Variants in DSCAM observed in about 807,000 individuals in gnomAD.
DSCAM encodes cell adhesion molecule DSCAM.
Under a neutral mutation model 217.7 loss-of-function variants are expected in DSCAM, and 47 were observed. The ratio of observed to expected loss-of-function variants is 0.22; its 90% CI spans 0.17 to 0.28. DSCAM has a LOEUF of 0.28. Among genes scored for constraint, DSCAM ranks in the 10% least tolerant of loss-of-function variants. DSCAM has a pLI of 1.00. For synonymous variants in DSCAM, 1,056 were observed against 1,015.3 expected, an observed-to-expected ratio of 1.04 and a Z score of -0.76; for missense variants, 2,080 against 2,618.3, an observed-to-expected ratio of 0.79 and a Z score of 4.49.
intron 1 of DSCAM, among the ~76,000 whole-genome samples, chr21:40,759,359 G>A (rs887012036): frequency 7.9e-5 from 12 of 152,112 alleles, no homozygotes; most frequent in Admixed American, 5.9e-4. Context: ...CCTAATAGCC[G>A]GCTCTGCTTT....
At chr21:40,277,172 G>A (rs1456444378) in intron 10 of DSCAM, among the ~76,000 whole-genome samples, 1 of 152,060 alleles carries the variant, frequency 6.6e-6, no homozygotes, top group East Asian at 1.9e-4. Flanking sequence ...CTGGGGACTT[G>A]AGGGGAAAGC....
At chr21:40,289,188 C>T (rs1468456293) in intron 10 of DSCAM, among the ~76,000 whole-genome samples, 2 of 152,144 alleles carry the variant, frequency 1.3e-5, no homozygotes, top group African/African-American at 4.8e-5. Flanking sequence ...CTTCCAGCTA[C>T]AGAATGGGTA....
At chr21:40,585,181 T>TTC (rs1433264983) in intron 3 of DSCAM, among the ~76,000 whole-genome samples, 2 of 88,464 alleles carry the variant, frequency 2.3e-5, no homozygotes, top group Non-Finnish European at 2.4e-5. Flanking sequence ...ATCAACTTCT[T>TTC]TTTTTTTTTT....
chr21:40,035,759 T>C (rs2088608804), intron 32 of DSCAM, among the ~76,000 whole-genome samples: 1 of 149,676 alleles, frequency 6.7e-6, no homozygotes, highest in African/African-American at 2.5e-5. Context: ...GACCACATAC[T>C]TGGAAGTAAA....
At chr21:40,353,283 T>A (rs186508048) in intron 5 of DSCAM, among the ~76,000 whole-genome samples, 182 bp downstream of exon 5, 1 of 152,320 alleles carries the variant, frequency 6.6e-6, no homozygotes, top group African/African-American at 2.4e-5. Flanking sequence ...TCCAGTTGTG[T>A]AACCTTGGGG....
intron 3 of DSCAM, among the ~76,000 whole-genome samples, chr21:40,500,632 C>T (rs1368989224): frequency 1.3e-5 from 2 of 152,190 alleles, no homozygotes; most frequent in African/African-American, 4.8e-5. Context: ...CAAGCTCAAT[C>T]ATTAATAAAG....
rs2076434962 is a variant in DSCAM at position 40,530,515 on chromosome 21, G to A, written c.509-161270C>T. ...CATGATAAGACAATTCTGAGCAATT[G>A]CATATCCACCCTATAGAAAGACTCA... On this transcript the variant is annotated intron_variant, in intron 3 of 32. Coordinates refer to ENST00000400454, the MANE Select transcript of DSCAM (RefSeq NM_001389.5). Among the ~76,000 whole-genome samples the A allele has an allele frequency of 2.6e-5, 4 of 152,110 alleles. No homozygotes were observed. The South Asian group carries it at 8.3e-4, about 32-fold the overall frequency.
chr21:40,741,744 G>C (rs2091126270), intron 1 of DSCAM, among the ~76,000 whole-genome samples: 1 of 152,244 alleles, frequency 6.6e-6, no homozygotes, highest in South Asian at 2.1e-4. Context: ...CAGAATGTCT[G>C]TCAATAGGAT....
chr21:40,809,474 C>A (rs1269671331), intron 1 of DSCAM, among the ~76,000 whole-genome samples: 1 of 152,140 alleles, frequency 6.6e-6, no homozygotes, highest in African/African-American at 2.4e-5. Flanking sequence ...ATCAGAGAAT[C>A]ATACAGTTAA....
At chr21:40,101,639 A>G (rs8128228) in intron 20 of DSCAM, among the ~76,000 whole-genome samples, 21,180 of 152,154 alleles carry the variant, frequency 0.14, 1,885 homozygotes, top group East Asian at 0.23. Context: ...TAACAGGGGC[A>G]ATCCACAGTG....
intron 1 of DSCAM, among the ~76,000 whole-genome samples, chr21:40,836,351 A>G (rs1439617078): frequency 6.6e-6 from 1 of 152,240 alleles, no homozygotes; most frequent in Non-Finnish European, 1.5e-5. Context: ...GCTAACAGGA[A>G]GAAAAAATGG....
intron 11 of DSCAM, among the ~76,000 whole-genome samples, chr21:40,240,937 G>A (rs961692653): frequency 5.9e-5 from 9 of 152,128 alleles, no homozygotes; most frequent in African/African-American, 1.4e-4. Context: ...CTAACCGTAC[G>A]CAGAAGATTG....
At chr21:40,480,785 C>A (rs1016377677) in intron 3 of DSCAM, among the ~76,000 whole-genome samples, 1 of 152,206 alleles carries the variant, frequency 6.6e-6, no homozygotes, top group Non-Finnish European at 1.5e-5. Context: ...ATCACTGACA[C>A]TTTGAATTTC....
intron 1 of DSCAM, among the ~76,000 whole-genome samples, chr21:40,753,880 C>A (rs998855006): frequency 3.3e-5 from 5 of 152,160 alleles, no homozygotes; most frequent in African/African-American, 9.7e-5. Context: ...TTGTCACGAA[C>A]AAAAACTTAC....
Position 40,846,610 on chromosome 21 carries a change from A to C in DSCAM, c.43+9T>G. The stretch of plus-strand genomic sequence containing the variant: ...GGAAACGAAATTCATCACAAACCGA[A>C]AGGCTCACCATTCGCGAAGCTCTGG... On this transcript the variant is annotated intron_variant, in intron 1 of 32. Transcript: ENST00000400454. The C allele has an allele frequency of 4.9e-6, 6 of 1,220,564 alleles. No homozygotes were observed. The highest frequency in any genetic ancestry group is 5.2e-6 in the Non-Finnish European group (5 of 967,906). The allele number at this position is 1,220,564 out of a possible 1,614,324, so 75.6% of individuals were successfully genotyped here.
intron 11 of DSCAM, among the ~76,000 whole-genome samples, chr21:40,266,392 A>C (rs2073527796): frequency 6.6e-6 from 1 of 152,072 alleles, no homozygotes; most frequent in African/African-American, 2.4e-5. Flanking sequence ...ACACTTACAC[A>C]CTGCTGGTGG....
chr21:40,058,339 C>G (rs972264017), intron 28 of DSCAM, among the ~76,000 whole-genome samples: 1 of 152,180 alleles, frequency 6.6e-6, no homozygotes, highest in Admixed American at 6.5e-5. Flanking sequence ...GGGACGTCTT[C>G]TGTGTCCTGT....
chr21:40,058,908 T>C (rs552625527), intron 28 of DSCAM, among the ~76,000 whole-genome samples: 2 of 152,326 alleles, frequency 1.3e-5, no homozygotes, highest in South Asian at 4.1e-4. Flanking sequence ...ATGCTAAACA[T>C]ATTAGTTATT....
rs369916193 is a variant in DSCAM at position 40,289,144 on chromosome 21, C to A, written c.2182+6911G>T. ...GAGAGAGAAGCCTAGAAAAATGTAACCTCTATTTCCTATGAAATTAGAAAA... is the reference window on the plus strand; with the variant it reads ...GAGAGAGAAGCCTAGAAAAATGTAAACTCTATTTCCTATGAAATTAGAAAA... On this transcript the variant is annotated intron_variant, in intron 10 of 32. Coordinates refer to ENST00000400454, the MANE Select transcript of DSCAM (RefSeq NM_001389.5). 6.6e-5 allele frequency among the ~76,000 whole-genome samples: 10 copies of A among 152,310 alleles called. No homozygotes were observed. The East Asian group carries it at 1.7e-3, about 26-fold the overall frequency.
Sources: gnomAD v4.1 joint callset for allele counts (sites outside exome capture counted in the v4.1 genomes callset) on GRCh38, gnomAD v4.1.1 for gene constraint, MANE v1.5 for transcripts, NCBI Gene and HGNC (gene_info 2026-07-23, HGNC 2026-07-21) for gene names.